HSPG2: variants seen among roughly 807,000 people sequenced by gnomAD.
HSPG2 encodes heparan sulfate proteoglycan 2.
In HSPG2, 278 loss-of-function variants were observed where a neutral mutation model predicts 526.6. The observed-to-expected ratio is 0.53, with a 90% confidence interval of 0.48 to 0.58. The LOEUF is 0.58. Among genes scored for constraint, HSPG2 ranks in the 20% least tolerant of loss-of-function variants. The probability of loss-of-function intolerance (pLI) is 0.00; values close to 1 mark genes in which losing one functional copy is unlikely to be tolerated. For synonymous variants in HSPG2, 2,465 were observed against 2,555.4 expected (o/e 0.96, Z 1.07); for missense variants, 5,354 against 6,099.5 (o/e 0.88, Z 4.07).
rs747789639 is a variant in HSPG2 at position 21,854,383 on chromosome 1, G to A, written c.6289-40C>T. ...GCCAGAGGTACGTGAGGACAGGGAC[G>A]GGGGCTATTGTCACCACTCCCTCAG... On this transcript the variant is annotated intron_variant, in intron 49 of 96. Transcript: ENST00000374695. The A allele has an allele frequency of 1.4e-5, 22 of 1,551,934 alleles. No homozygotes were observed. In the East Asian group the frequency reaches 1.7e-4, roughly 12 times the overall value.
At chr1:21,829,959 G>T in intron 86 of HSPG2, 34 bp downstream of exon 86, 1 of 1,551,362 alleles carries the variant, frequency 6.4e-7, no homozygotes. Flanking sequence ...GCTGACACTA[G>T]GACCCTGGGG....
intron 1 of HSPG2, among the ~76,000 whole-genome samples, chr1:21,922,792 C>A (rs1039309289): frequency 6.6e-6 from 1 of 152,178 alleles, no homozygotes; most frequent in African/African-American, 2.4e-5. Flanking sequence ...AGGTGGGGCC[C>A]AGGCCGGCTG....
rs1047051210 is a variant in HSPG2 at position 21,824,720 on chromosome 1, G to A, written c.12649C>T (p.His4217Tyr). The change falls in exon 92 of 97, where the codon CAT (histidine) becomes TAT (tyrosine). Residue 4217 changes from histidine to tyrosine, a missense_variant. Physicochemically the swap from His to Tyr is moderately conservative, Grantham distance 83. Coordinates refer to ENST00000374695, the MANE Select transcript of HSPG2 (RefSeq NM_005529.7). The surrounding 1 kb of genome is among the most constrained non-coding windows in gnomAD (Gnocchi z 5.9). ...CAGTCTCACCTCCTGGAGAAGACAT[G>A]GCCAGGGAAGGCGAGGAAGCCATCA... Reference protein sequence around the residue: ...HDDGFLAFPGHVFSRSLPEVP... With the variant: ...HDDGFLAFPGYVFSRSLPEVP... The A allele has an allele frequency of 6.2e-7, 1 of 1,613,702 alleles. No homozygotes were observed. Among genetic ancestry groups the A allele is most frequent in the Non-Finnish European group, 8.5e-7 (1 of 1,179,856 alleles).
rs201054150 is a variant in HSPG2, at chr1:21,833,573, G to A, written c.10872C>T (p.Asn3624=). Residue 3624 remains asparagine (N), a synonymous_variant, in exon 79 of 97, where the codon AAC becomes AAT. Transcript: ENST00000374695. ...GTCGGACTGAGGGCAGCATCAGCAT[G>A]TTGTTCTCCAGGCGGCTGTCAGGTG... ...SLPPDSRLEN[N]MLMLPSVRPQ... is the part of the protein sequence containing the mutation. The A allele has an allele frequency of 1.3e-5, 21 of 1,614,066 alleles. No homozygotes were observed. Among genetic ancestry groups the A allele is most frequent in the African/African-American group, 2.7e-5 (2 of 74,946 alleles).
At chr1:21,900,096 G>A (rs1643008911) in intron 1 of HSPG2, among the ~76,000 whole-genome samples, 1 of 152,252 alleles carries the variant, frequency 6.6e-6, no homozygotes, top group South Asian at 2.1e-4. Context: ...CTCCGGCGGT[G>A]AGGGAGCCCG....
intron 1 of HSPG2, among the ~76,000 whole-genome samples, chr1:21,909,167 C>T (rs2152785985): frequency 6.6e-6 from 1 of 152,262 alleles, no homozygotes; most frequent in Admixed American, 6.5e-5. Flanking sequence ...CTGCAGAGAC[C>T]CGCTGAGCAA....
In HSPG2 at chr1:21,847,866, G is replaced by A. The variant is rs943362758; in HGVS notation, c.7874-26C>T. On this transcript the variant is annotated intron_variant, in intron 60 of 96. Coordinates refer to ENST00000374695, the MANE Select transcript of HSPG2 (RefSeq NM_005529.7). The surrounding 1 kb of genome is among the most constrained non-coding windows in gnomAD (Gnocchi z 4.1). ...CTGGGGACAGACGGGTGTGGACCAC[G>A]CAGCCAGAGTGAGATAACAGTGATG... The A allele has an allele frequency of 1.9e-6, 3 of 1,613,728 alleles. No homozygotes were observed. Among genetic ancestry groups the A allele is most frequent in the Admixed American group, 3.3e-5 (2 of 59,996 alleles).
rs1638934767 is a variant in HSPG2 at position 21,851,946 on chromosome 1, G to C, written c.6871-20C>G. On this transcript the variant is annotated intron_variant, in intron 53 of 96. Coordinates refer to ENST00000374695, the MANE Select transcript of HSPG2 (RefSeq NM_005529.7). ...ACGAACCTGGGCAGCCGTGGGCAGA[G>C]GTGTGAGGGGGGCTTCCCGGAGGCC... 4 of 1,603,648 alleles carry C rather than the reference G, an allele frequency of 2.5e-6. No individual in the cohort carries two copies. In the East Asian group the frequency reaches 9.0e-5, roughly 36 times the overall value.
At position 21,890,174 on chromosome 1, in the gene HSPG2, A is replaced by G. The variant is rs756875711; in HGVS notation, c.414-33T>C. ...TGGAGACAGGCAGGAGAGGAGGGTC[A>G]GCGAGACACCTGTGTTCTCAGCTCC... On this transcript the variant is annotated intron_variant, in intron 5 of 96. Transcript: ENST00000374695. The surrounding 1 kb of genome is among the most constrained non-coding windows in gnomAD (Gnocchi z 4.1). 6.2e-7 allele frequency: 1 copy of G among 1,613,090 alleles called. No individual in the cohort carries two copies. Among genetic ancestry groups the G allele is most frequent in the East Asian group, 2.2e-5 (1 of 44,876 alleles).
rs147286334 is a variant in HSPG2 at position 21,848,005 on chromosome 1, C to T, written c.7826G>A (p.Arg2609Gln). ...GATGGTGACGATGAGCGAGGTCTCCCGGGAGCCTGCACCGTTACTGACGTG... is the reference window on the plus strand; with the variant it reads ...GATGGTGACGATGAGCGAGGTCTCCTGGGAGCCTGCACCGTTACTGACGTG... ...VCHVSNGAGSRETSLIVTIQG... is the reference protein window; with the variant it reads ...VCHVSNGAGSQETSLIVTIQG... Residue 2609 changes from arginine (R) to glutamine (Q), a missense_variant, in exon 60 of 97, where the codon CGG (arginine) becomes CAG (glutamine). Physicochemically the swap from Arg to Gln is conservative, Grantham distance 43 (BLOSUM62 1). Transcript: ENST00000374695. This position sits in a 1 kb window ranked among gnomAD's most constrained non-coding sequence, Gnocchi z 4.9. 2.3e-4 allele frequency: 373 copies of T among 1,613,370 alleles called. 3 individuals are homozygous for T. Among genetic ancestry groups the T allele is most frequent in the African/African-American group, 1.1e-3 (84 of 74,944 alleles).
Position 21,847,646 on chromosome 1 carries a change from G to A in HSPG2, c.8025+43C>T, listed in dbSNP as rs776773012. On this transcript the variant is annotated intron_variant, in intron 61 of 96. Coordinates refer to ENST00000374695, the MANE Select transcript of HSPG2 (RefSeq NM_005529.7). The surrounding 1 kb of genome is among the most constrained non-coding windows in gnomAD (Gnocchi z 4.1). The stretch of plus-strand genomic sequence containing the variant: ...AGGGAGCCTGCTCTGCTCACCCCAG[G>A]AGACCATGGTTCCACCCCCGCTGCT... 4 of 1,601,740 alleles carry A rather than the reference G, an allele frequency of 2.5e-6. No homozygotes were observed. The highest frequency in any genetic ancestry group is 3.4e-6 in the Non-Finnish European group (4 of 1,174,354).
In HSPG2 at chr1:21,833,328, T is replaced by C; in HGVS notation, c.11035A>G (p.Ile3679Val). 2 of 1,613,924 alleles carry C rather than the reference T, an allele frequency of 1.2e-6. No individual in the cohort carries two copies. Among genetic ancestry groups the C allele is most frequent in the South Asian group, 2.2e-5 (2 of 91,074 alleles). The part of the protein sequence containing the change: ...TPYSFLPLPT[I>V]KDAYRKFEIK... ...TCGAACTTCCTGTAGGCATCCTTGA[T>C]GGTGGGCAGCGGTAGGAAGGAGTAG... The change falls in exon 80 of 97, where the codon ATC becomes GTC. Residue 3679 changes from isoleucine (I) to valine (V), a missense_variant. Transcript: ENST00000374695.
At position 21,851,595 on chromosome 1, in the gene HSPG2, G is replaced by C. The variant is rs1331829878; in HGVS notation, c.7109C>G (p.Ala2370Gly). 2.5e-6 allele frequency: 4 copies of C among 1,613,898 alleles called. No individual in the cohort carries two copies. Among genetic ancestry groups the C allele is most frequent in the Non-Finnish European group, 3.4e-6 (4 of 1,180,040 alleles). Reference protein sequence around the residue: ...LNCVVPGQSHAQVTWHKRGGS... With the variant: ...LNCVVPGQSHGQVTWHKRGGS... Reference sequence around the variant, plus strand: ...CCCACGCTTGTGCCACGTGACCTGGGCATGGGACTGCCCGGGCACCACGCA... The same window carrying C: ...CCCACGCTTGTGCCACGTGACCTGGCCATGGGACTGCCCGGGCACCACGCA... The change falls in exon 55 of 97, where the codon GCC becomes GGC. Residue 2370 changes from alanine to glycine, a missense_variant. Transcript: ENST00000374695.
intron 77 of HSPG2, among the ~76,000 whole-genome samples, chr1:21,834,387 G>C: frequency 6.6e-6 from 1 of 152,134 alleles, no homozygotes; most frequent in East Asian, 1.9e-4. Flanking sequence ...CTATGCTGCA[G>C]GTCTCTCCCA....
chr1:21,849,373 G>T (rs1199633020), intron 57 of HSPG2, among the ~76,000 whole-genome samples: 2 of 152,154 alleles, frequency 1.3e-5, no homozygotes, highest in South Asian at 2.1e-4. Flanking sequence ...CTGGATCACT[G>T]TCCCTGTCCT....
At position 21,823,456 on chromosome 1, in the gene HSPG2, C is replaced by T; in HGVS notation, c.13036G>A (p.Gly4346Ser). ...GAPDVATLTG[G>S]RFSSGITGCV... ...CCTGTGATGCCTGAGGAGAATCTGCCCCCGGTCAGCGTGGCCACGTCAGGG... is the reference window on the plus strand; with the variant it reads ...CCTGTGATGCCTGAGGAGAATCTGCTCCCGGTCAGCGTGGCCACGTCAGGG... The change falls in exon 97 of 97, where the codon GGC becomes AGC. Residue 4346 changes from glycine (G) to serine (S), a missense_variant. Coordinates refer to ENST00000374695, the MANE Select transcript of HSPG2 (RefSeq NM_005529.7). 6.3e-7 allele frequency: 1 copy of T among 1,595,534 alleles called. No homozygotes were observed. The highest frequency in any genetic ancestry group is 8.5e-7 in the Non-Finnish European group (1 of 1,175,356).
At chr1:21,925,843 A>C (rs1644174792) in intron 1 of HSPG2, among the ~76,000 whole-genome samples, 1 of 152,074 alleles carries the variant, frequency 6.6e-6, no homozygotes, top group Non-Finnish European at 1.5e-5. Flanking sequence ...GGATGGATGA[A>C]GGGCCAGCCA....
At chr1:21,842,425 G>A (rs1177013181) in intron 67 of HSPG2, 45 bp from the exon 68 acceptor site, 1 of 1,537,442 alleles carries the variant, frequency 6.5e-7, no homozygotes, top group Non-Finnish European at 8.8e-7. Flanking sequence ...AAGTCCCCAG[G>A]ACAAGGAATG....
rs1013200750 is a variant in HSPG2, at chr1:21,873,912, C to T, written c.3743+13G>A. The T allele has an allele frequency of 6.4e-7, 1 of 1,567,848 alleles. No homozygotes were observed. Among genetic ancestry groups the T allele is most frequent in the Non-Finnish European group, 8.7e-7 (1 of 1,155,272 alleles). On this transcript the variant is annotated intron_variant, in intron 29 of 96. Coordinates refer to ENST00000374695, the MANE Select transcript of HSPG2 (RefSeq NM_005529.7). ...TGTGCGCATCCCCCCACCCTCTCCA[C>T]CCCCTGCCTCACCTCTCACAGTGAC...
Sources: gnomAD v4.1 joint callset for allele counts (sites outside exome capture counted in the v4.1 genomes callset) on GRCh38, gnomAD v4.1.1 for gene constraint, Gnocchi (gnomAD v3.1) non-coding constraint, MANE v1.5 for transcripts, NCBI Gene and HGNC (gene_info 2026-07-23, HGNC 2026-07-21) for gene names.